Variants in CXCL13 observed in about 807,000 individuals in gnomAD.
The protein encoded by CXCL13 is C-X-C motif chemokine 13.
CXCL13 carries 7 observed loss-of-function variants against 12.2 expected under a neutral mutation model. That is an observed-to-expected ratio of 0.57 (90% CI 0.33 to 1.07). The LOEUF (loss-of-function observed/expected upper bound fraction) is 1.07. Ranked by LOEUF, CXCL13 falls within the 50% of genes least tolerant of loss-of-function variation. The probability of loss-of-function intolerance (pLI) is 0.04; values close to 1 mark genes in which losing one functional copy is unlikely to be tolerated. For synonymous variants in CXCL13, 47 were observed against 42.4 expected, an observed-to-expected ratio of 1.11 and a Z score of -0.42; for missense variants, 113 against 127.4, an observed-to-expected ratio of 0.89 and a Z score of 0.55.
intron 1 of CXCL13, among the ~76,000 whole-genome samples, chr4:77,572,226 T>G (rs1726103554): frequency 6.6e-6 from 1 of 151,684 alleles, no homozygotes; most frequent in Non-Finnish European, 1.5e-5. Context: ...CAAGGTGAAA[T>G]TCCATCTCCC....
chr4:77,593,490 T>C (rs189385658), intron 1 of CXCL13, among the ~76,000 whole-genome samples: 1 of 152,236 alleles, frequency 6.6e-6, no homozygotes, highest in Admixed American at 6.5e-5. Flanking sequence ...TCAACTCATG[T>C]GGCTTTGAGG....
intron 1 of CXCL13, among the ~76,000 whole-genome samples, chr4:77,579,112 C>T (rs1037477000): frequency 6.6e-6 from 1 of 152,212 alleles, no homozygotes; most frequent in African/African-American, 2.4e-5. Flanking sequence ...GCCTTGAGTG[C>T]CTGGATTGTG....
chr4:77,515,210 C>A (rs1436200961), intron 1 of CXCL13, among the ~76,000 whole-genome samples: 3 of 152,152 alleles, frequency 2.0e-5, no homozygotes, highest in Admixed American at 2.0e-4. Flanking sequence ...GTTACTGTAG[C>A]CTTGTAGTAT....
At chr4:77,518,417 C>G (rs1476438292) in intron 1 of CXCL13, among the ~76,000 whole-genome samples, 2 of 152,210 alleles carry the variant, frequency 1.3e-5, no homozygotes, top group Admixed American at 1.3e-4. Context: ...TTCTCCCTGT[C>G]ACTTTCAGGT....
At chr4:77,577,486 T>C (rs532369968) in intron 1 of CXCL13, among the ~76,000 whole-genome samples, 3 of 152,108 alleles carry the variant, frequency 2.0e-5, no homozygotes, top group Admixed American at 1.3e-4. Flanking sequence ...TGCAGGTGAG[T>C]GTGACTAATT....
rs547369377 is a variant in CXCL13, at chr4:77,514,543, T to G, written c.-43+2755T>G. 5.9e-4 allele frequency among the ~76,000 whole-genome samples: 87 copies of G among 147,642 alleles called. 1 individual carries two copies. In the East Asian group the frequency reaches 0.013, roughly 22 times the overall value. ...TCTCATTGTGGTTTTGATTTGCATT[T>G]CTCTGATGGCCAGTGATGGTGAGCA... On this transcript the variant is annotated intron_variant, in intron 1 of 4. Transcript: ENST00000286758.
chr4:77,599,983 A>G (rs906240178), intron 1 of CXCL13, among the ~76,000 whole-genome samples: 4 of 152,188 alleles, frequency 2.6e-5, no homozygotes, highest in Non-Finnish European at 1.5e-5. Context: ...ATTAAAGGCG[A>G]TGAAGGAGTT....
chr4:77,566,419 C>T (rs1006477683), intron 1 of CXCL13, among the ~76,000 whole-genome samples: 1 of 152,112 alleles, frequency 6.6e-6, no homozygotes, highest in Admixed American at 6.5e-5. Flanking sequence ...AGAAAAGAAA[C>T]AAAGTGTAAT....
intron 1 of CXCL13, among the ~76,000 whole-genome samples, chr4:77,560,385 CA>C (rs1435784407): frequency 2.0e-5 from 3 of 152,186 alleles, no homozygotes; most frequent in African/African-American, 7.2e-5. Context: ...CTGCCTCAGC[CA>C]AAGGTCAACA....
chr4:77,518,978 T>A (rs1578032506), intron 1 of CXCL13, among the ~76,000 whole-genome samples: 1 of 152,200 alleles, frequency 6.6e-6, no homozygotes, highest in East Asian at 1.9e-4. Context: ...TTGGTGTGGA[T>A]GTCCTTTCTG....
chr4:77,604,661 T>G (rs62304094), upstream of CXCL13, among the ~76,000 whole-genome samples: 13,657 of 152,194 alleles, frequency 0.09, 663 homozygotes, highest in Middle Eastern at 0.15. Flanking sequence ...ATGAGTGCCC[T>G]GTCACTGCGT....
chr4:77,534,024 G>A (rs970647945), intron 1 of CXCL13, among the ~76,000 whole-genome samples: 2 of 152,168 alleles, frequency 1.3e-5, no homozygotes, highest in Non-Finnish European at 2.9e-5. Flanking sequence ...CATGCTTGGT[G>A]CACTGCACCC....
intron 1 of CXCL13, among the ~76,000 whole-genome samples, chr4:77,545,567 G>T (rs955566363): frequency 6.6e-6 from 1 of 152,112 alleles, no homozygotes. Flanking sequence ...TTAGTGTATA[G>T]GAATGCTTGT....
intron 3 of CXCL13, 101 bp from the exon 4 acceptor site, chr4:77,610,887 C>T: frequency 9.4e-7 from 1 of 1,058,812 alleles, no homozygotes; most frequent in Non-Finnish European, 1.4e-6. Flanking sequence ...AAACTAGATG[C>T]CAGTATACAT....
At chr4:77,528,228 G>T (rs188885648) in intron 1 of CXCL13, among the ~76,000 whole-genome samples, 321 of 152,180 alleles carry the variant, frequency 2.1e-3, no homozygotes, top group African/African-American at 7.1e-3. Context: ...GAATAGTGCC[G>T]CAATAAACAT....
intron 1 of CXCL13, among the ~76,000 whole-genome samples, chr4:77,540,057 A>G (rs1480994217): frequency 6.6e-6 from 1 of 152,186 alleles, no homozygotes; most frequent in Non-Finnish European, 1.5e-5. Flanking sequence ...TCATATAATT[A>G]TTTTTAGAAA....
At chr4:77,601,887 A>T (rs1218688254), upstream of CXCL13, among the ~76,000 whole-genome samples, 1 of 152,244 alleles carries the variant, frequency 6.6e-6, no homozygotes, top group East Asian at 1.9e-4. Context: ...AAACCGAGCC[A>T]GTCTGATTTC....
At chr4:77,550,146 G>A (rs1017184814) in intron 1 of CXCL13, among the ~76,000 whole-genome samples, 1 of 152,236 alleles carries the variant, frequency 6.6e-6, no homozygotes, top group African/African-American at 2.4e-5. Context: ...GATCTGCTGA[G>A]CCAGGCACAG....
chr4:77,591,648 C>T (rs917196539), intron 1 of CXCL13, among the ~76,000 whole-genome samples: 3 of 152,042 alleles, frequency 2.0e-5, no homozygotes, highest in African/African-American at 7.3e-5. Context: ...TAGTCCAATC[C>T]CCAGAAATTT....
Sources: gnomAD v4.1 joint callset for allele counts (sites outside exome capture counted in the v4.1 genomes callset) on GRCh38, gnomAD v4.1.1 for gene constraint, MANE v1.5 for transcripts, NCBI Gene and HGNC (gene_info 2026-07-23, HGNC 2026-07-21) for gene names.